SPON1: variants seen among roughly 807,000 people sequenced by gnomAD.
The protein encoded by SPON1 is spondin-1.
Under a neutral mutation model 111.7 loss-of-function variants are expected in SPON1, and 52 were observed. The ratio of observed to expected loss-of-function variants is 0.47; its 90% CI spans 0.37 to 0.59. The LOEUF (loss-of-function observed/expected upper bound fraction) is 0.59. Among genes scored for constraint, SPON1 ranks in the 20% least tolerant of loss-of-function variants. SPON1 has a pLI of 0.00. For missense variants in SPON1, 957 were observed against 1,068.5 expected, an observed-to-expected ratio of 0.90 and a Z score of 1.46; for synonymous variants, 410 against 395.8, an observed-to-expected ratio of 1.04 and a Z score of -0.43.
At chr11:14,011,657 A>G (rs1848405467) in intron 2 of SPON1, among the ~76,000 whole-genome samples, 1 of 152,190 alleles carries the variant, frequency 6.6e-6, no homozygotes, top group South Asian at 2.1e-4. Context: ...TGATCTGGCA[A>G]CTAGCTCACA....
At chr11:14,102,777 G>C (rs2133844425) in intron 5 of SPON1, among the ~76,000 whole-genome samples, 1 of 152,282 alleles carries the variant, frequency 6.6e-6, no homozygotes. Flanking sequence ...TTCAGGTTGT[G>C]CATCTTTGGC....
In SPON1 at chr11:14,243,457, A is replaced by T. The variant is rs190952779; in HGVS notation, c.890+61A>T. 34 of 1,371,162 alleles carry T rather than the reference A, an allele frequency of 2.5e-5. No individual in the cohort carries two copies. The African/African-American group carries it at 4.2e-4, about 17-fold the overall frequency. 84.9% of individuals were successfully genotyped at this position (1,371,162 alleles called of 1,614,324 possible). ...TCCTAGCCCCTTCTCAAAGCCACCT[A>T]CCTAATGGCCACCACATACCAGTTA... On this transcript the variant is annotated intron_variant, in intron 7 of 15. Transcript: ENST00000576479.
intron 3 of SPON1, among the ~76,000 whole-genome samples, chr11:14,071,852 C>A (rs2133828273): frequency 6.6e-6 from 1 of 152,204 alleles, no homozygotes; most frequent in South Asian, 2.1e-4. Context: ...GCATGGGCCA[C>A]CTCGCCCGGC....
intron 6 of SPON1, among the ~76,000 whole-genome samples, chr11:14,164,461 A>T (rs1848003772): frequency 6.6e-6 from 1 of 152,212 alleles, no homozygotes; most frequent in African/African-American, 2.4e-5. Context: ...AAGAGTACTT[A>T]ACCAGAGGGA....
intron 5 of SPON1, among the ~76,000 whole-genome samples, chr11:14,106,664 T>C (rs1270889885): frequency 1.3e-5 from 2 of 152,146 alleles, no homozygotes; most frequent in Non-Finnish European, 2.9e-5. Context: ...TGAAAGAACA[T>C]AGAAGACGAC....
intron 6 of SPON1, among the ~76,000 whole-genome samples, chr11:14,233,183 C>T (rs541105222): frequency 9.9e-5 from 15 of 152,194 alleles, no homozygotes; most frequent in Non-Finnish European, 1.9e-4. Flanking sequence ...CTACATGACA[C>T]CTCCTTTTGG....
intron 5 of SPON1, among the ~76,000 whole-genome samples, chr11:14,133,723 A>G (rs879957608): frequency 2.6e-4 from 39 of 152,356 alleles, no homozygotes; most frequent in Non-Finnish European, 5.3e-4. Flanking sequence ...GATGACGGCT[A>G]GGACTCTTCA....
Position 14,265,772 on chromosome 11 carries a change from T to C in SPON1, c.*85T>C. On this transcript the variant is annotated 3_prime_UTR_variant, in exon 16 of 16. Transcript: ENST00000576479. ...ATTTGCTTGTTTAAGACAATTTAAA[T>C]TGTGTACGCTAGTTTTCATTTTTGC... 2.1e-6 allele frequency: 3 copies of C among 1,439,336 alleles called. No homozygotes were observed. The highest frequency in any genetic ancestry group is 2.8e-6 in the Non-Finnish European group (3 of 1,062,218). The allele number at this position is 1,439,336 out of a possible 1,614,324, so 89.2% of individuals were successfully genotyped here. A position where few individuals can be genotyped will look rare whatever the true frequency, so the allele number is the denominator to read the frequency against.
intron 6 of SPON1, among the ~76,000 whole-genome samples, chr11:14,167,132 A>G (rs192448854): frequency 2.6e-5 from 4 of 152,264 alleles, no homozygotes; most frequent in Admixed American, 2.6e-4. Context: ...ATTTACATAA[A>G]TATAGACCAA....
intron 7 of SPON1, among the ~76,000 whole-genome samples, chr11:14,250,431 T>G (rs1294603103): frequency 1.3e-5 from 2 of 151,944 alleles, no homozygotes; most frequent in African/African-American, 4.8e-5. Flanking sequence ...ACAGTTAACT[T>G]AGCCCAACCC....
chr11:14,081,115 T>C (rs10832178), intron 5 of SPON1, among the ~76,000 whole-genome samples: 43,299 of 152,010 alleles, frequency 0.28, 6,994 homozygotes, highest in East Asian at 0.56. Context: ...ATAACATTGT[T>C]ATCAAGATAG....
At chr11:14,240,833 T>C (rs553989406) in intron 6 of SPON1, among the ~76,000 whole-genome samples, 3 of 152,282 alleles carry the variant, frequency 2.0e-5, no homozygotes, top group Non-Finnish European at 4.4e-5. Context: ...ATTACCAGGA[T>C]CTGATATCTT....
intron 6 of SPON1, among the ~76,000 whole-genome samples, chr11:14,154,698 T>G (rs1157416235): frequency 6.6e-6 from 1 of 152,222 alleles, no homozygotes; most frequent in Non-Finnish European, 1.5e-5. Context: ...GCTTGAATTC[T>G]TCCCCAGAAA....
intron 2 of SPON1, among the ~76,000 whole-genome samples, chr11:14,036,952 G>T (rs917117666): frequency 2.0e-5 from 3 of 152,106 alleles, no homozygotes; most frequent in African/African-American, 4.8e-5. Context: ...GTGCAATGTG[G>T]CCTGAAAATA....
At position 14,161,207 on chromosome 11, in the gene SPON1, A is replaced by ATATCTATATATATAT. The variant is rs1564920125; in HGVS notation, c.825+25640_825+25641insATCTATATATATATT. Among the ~76,000 whole-genome samples the ATATCTATATATATAT allele has an allele frequency of 1.6e-4, 16 of 97,552 alleles. 1 individual carries two copies. The highest frequency in any genetic ancestry group is 6.1e-4 in the African/African-American group (16 of 26,034). The allele number at this position is 97,552 out of a possible 152,430, so 64.0% of individuals were successfully genotyped here. On this transcript the variant is annotated intron_variant, in intron 6 of 15. Coordinates refer to ENST00000576479, the MANE Select transcript of SPON1 (RefSeq NM_006108.4). ...TTTATATATCTATATATATTTATAT[A>ATATCTATATATATAT]TTTATATATATCTATATATATTTAT...
At chr11:14,207,691 T>C (rs1156919432) in intron 6 of SPON1, among the ~76,000 whole-genome samples, 3 of 152,116 alleles carry the variant, frequency 2.0e-5, no homozygotes, top group Non-Finnish European at 4.4e-5. Flanking sequence ...AGAATAGCTA[T>C]TATTAAAAAG....
rs78716202 is a variant in SPON1 at position 14,230,322 on chromosome 11, G to A, written c.826-13010G>A. On this transcript the variant is annotated intron_variant, in intron 6 of 15. Transcript: ENST00000576479. ...ATAAAGGGAGATGATGAAGTGAAAT[G>A]TTATTACATTTAAAGACCCAGCAAA... is the stretch of plus-strand genomic sequence containing the variant. Among the ~76,000 whole-genome samples the A allele has an allele frequency of 3.2e-3, 494 of 152,258 alleles. 4 individuals carry two copies. Among genetic ancestry groups the A allele is most frequent in the East Asian group, 0.012 (62 of 5,188 alleles).
chr11:14,160,925 T>TTA lies in SPON1; in HGVS notation c.825+25363_825+25364dup, dbSNP rs1554931110. On this transcript the variant is annotated intron_variant, in intron 6 of 15. Coordinates refer to ENST00000576479, the MANE Select transcript of SPON1 (RefSeq NM_006108.4). ...TATATTTATATATATATTTATATAT[T>TTA]TATATATTTATATATATATTTATAT... is the stretch of plus-strand genomic sequence containing the variant. Among the ~76,000 whole-genome samples the TTA allele has an allele frequency of 1.8e-3, 55 of 29,796 alleles. 6 individuals are homozygous for TTA. Among genetic ancestry groups the TTA allele is most frequent in the African/African-American group, 3.1e-3 (22 of 7,184 alleles). The allele number at this position is 29,796 out of a possible 152,430, so 19.5% of individuals were successfully genotyped here.
chr11:13,987,297 C>T (rs951724912), intron 2 of SPON1, among the ~76,000 whole-genome samples: 26 of 152,186 alleles, frequency 1.7e-4, no homozygotes, highest in African/African-American at 6.3e-4. Context: ...TTTTGATTTG[C>T]CTTTCTCTAA....
Sources: allele counts gnomAD v4.1 joint callset (sites outside exome capture counted in the v4.1 genomes callset), GRCh38; gene constraint gnomAD v4.1.1; transcripts MANE v1.5; gene names NCBI Gene and HGNC (gene_info 2026-07-23, HGNC 2026-07-21).